Variants in PIK3C2G observed in about 807,000 individuals in gnomAD.
PIK3C2G encodes phosphatidylinositol-4-phosphate 3-kinase catalytic subunit type 2 gamma.
A neutral mutation model predicts 181.1 loss-of-function variants in PIK3C2G; 168 were observed. The ratio of observed to expected loss-of-function variants is 0.93; its 90% CI spans 0.82 to 1.05. PIK3C2G has a LOEUF of 1.05. Among genes scored for constraint, PIK3C2G ranks in the 50% least tolerant of loss-of-function variants. The pLI, the probability that PIK3C2G is intolerant of heterozygous loss-of-function variation, is 0.00. For missense variants in PIK3C2G, 1,869 were observed against 1,732.8 expected (o/e 1.08, Z -1.40); for synonymous variants, 573 against 592.2 (o/e 0.97, Z 0.47).
intron 30 of PIK3C2G, among the ~76,000 whole-genome samples, chr12:18,607,448 G>A (rs1948088380): frequency 6.6e-6 from 1 of 152,100 alleles, no homozygotes; most frequent in Non-Finnish European, 1.5e-5. Context: ...AAGAAATGGG[G>A]AAAGGATTCC....
In PIK3C2G at chr12:18,594,998, T is replaced by A. The variant is rs369828796; in HGVS notation, c.4087+429T>A. Reference sequence around the variant, plus strand: ...ATGGTTGAGAACTTTTTTTATTTCTTACATCATAGAATATTCAAGATTTGT... The same window carrying A: ...ATGGTTGAGAACTTTTTTTATTTCTAACATCATAGAATATTCAAGATTTGT... On this transcript the variant is annotated intron_variant, in intron 30 of 32. Transcript: ENST00000538779. 2.0e-4 allele frequency among the ~76,000 whole-genome samples: 31 copies of A among 152,190 alleles called. No individual in the cohort carries two copies. The East Asian group carries it at 2.3e-3, about 11-fold the overall frequency.
intron 5 of PIK3C2G, 133 bp from the exon 6 acceptor site, chr12:18,313,829 C>CACAT: frequency 3.5e-6 from 2 of 564,228 alleles, no homozygotes; most frequent in Non-Finnish European, 6.3e-6. Context: ...CACACACACA[C>CACAT]GCACACACAC....
chr12:18,410,190 G>C (rs773476007), intron 16 of PIK3C2G, among the ~76,000 whole-genome samples: 1 of 152,092 alleles, frequency 6.6e-6, no homozygotes, highest in Non-Finnish European at 1.5e-5. Context: ...TAGCTGACTA[G>C]CAAATTTTAG....
At chr12:18,489,085 T>C (rs1940324734) in intron 19 of PIK3C2G, among the ~76,000 whole-genome samples, 1 of 152,104 alleles carries the variant, frequency 6.6e-6, no homozygotes, top group Non-Finnish European at 1.5e-5. Flanking sequence ...TATACTAAGA[T>C]CTATGGATAC....
In PIK3C2G at chr12:18,374,564, G is replaced by C. The variant is rs144533589; in HGVS notation, c.1880+3253G>C. On this transcript the variant is annotated intron_variant, in intron 13 of 32. Transcript: ENST00000538779. ...AGAACAAGAACTAGAATGCAGGTCT[G>C]AGCTTTAACTACCTTACGCCACCTC... Among the ~76,000 whole-genome samples, 6 of 152,312 alleles carry C rather than the reference G, an allele frequency of 3.9e-5. No individual in the cohort carries two copies. In the East Asian group the frequency reaches 1.2e-3, roughly 29 times the overall value.
chr12:18,381,735 T>C, intron 13 of PIK3C2G, 31 bp from the exon 14 acceptor site: 1 of 1,261,694 alleles, frequency 7.9e-7, no homozygotes, highest in South Asian at 1.2e-5. Context: ...AAGTGACTCC[T>C]GTCTGTGTGT....
intron 24 of PIK3C2G, among the ~76,000 whole-genome samples, chr12:18,511,047 C>G (rs1437078394): frequency 6.6e-6 from 1 of 151,560 alleles, no homozygotes; most frequent in Non-Finnish European, 1.5e-5. Context: ...ACAAATTAAA[C>G]TTTATTAGAT....
intron 30 of PIK3C2G, among the ~76,000 whole-genome samples, chr12:18,605,854 A>T (rs1407239972): frequency 6.6e-6 from 1 of 152,090 alleles, no homozygotes; most frequent in African/African-American, 2.4e-5. Flanking sequence ...CCAGGCGCTT[A>T]TAAACACAGG....
At chr12:18,713,068 A>G in the PIK3C2G span, 57 of 1,537,804 alleles carry the variant, frequency 3.7e-5, 1 homozygote, top group South Asian at 6.2e-4. Flanking sequence ...TCCAAAGACC[A>G]TTTGATTTTA....
chr12:18,278,155 T>C (rs1007952553), intron 1 of PIK3C2G, among the ~76,000 whole-genome samples: 7 of 152,206 alleles, frequency 4.6e-5, no homozygotes, highest in African/African-American at 1.7e-4. Context: ...CTTAAAGCAA[T>C]ACATTTATTA....
chr12:18,497,658 C>G lies in PIK3C2G; in HGVS notation c.2926C>G (p.Leu976Val). 1 of 1,612,496 alleles carries G rather than the reference C, an allele frequency of 6.2e-7. No individual in the cohort carries two copies. Among genetic ancestry groups the G allele is most frequent in the Non-Finnish European group, 8.5e-7 (1 of 1,178,728 alleles). ...DLRQDMLVLQ[L>V]IQVMDNIWLQ... ...TCGTCAGGATATGCTTGTTCTGCAG[C>G]TTATTCAAGTGATGGACAATATTTG... Residue 976 changes from leucine to valine, a missense_variant, in exon 22 of 33, where the codon CTT becomes GTT. Transcript: ENST00000538779.
intron 11 of PIK3C2G, among the ~76,000 whole-genome samples, chr12:18,348,230 T>C (rs1939867078): frequency 1.3e-5 from 2 of 151,946 alleles, no homozygotes; most frequent in South Asian, 4.1e-4. Context: ...TATACATATG[T>C]GTGTAAATGC....
intron 1 of PIK3C2G, among the ~76,000 whole-genome samples, chr12:18,256,386 G>T (rs1193898305): frequency 6.6e-6 from 1 of 151,998 alleles, no homozygotes; most frequent in African/African-American, 2.4e-5. Flanking sequence ...TTTATTTACT[G>T]GTTTCTTTGC....
At chr12:18,527,999 G>T (rs983140878) in intron 24 of PIK3C2G, among the ~76,000 whole-genome samples, 1 of 152,036 alleles carries the variant, frequency 6.6e-6, no homozygotes, top group East Asian at 1.9e-4. Flanking sequence ...ACTAACTAAG[G>T]CTGTCCTTAG....
At chr12:18,467,811 A>T (rs1938055904) in intron 18 of PIK3C2G, among the ~76,000 whole-genome samples, 1 of 151,960 alleles carries the variant, frequency 6.6e-6, no homozygotes, top group Admixed American at 6.6e-5. Context: ...CACATCTTAT[A>T]GAAAGAGAAA....
At chr12:18,406,854 G>C (rs952084408) in intron 16 of PIK3C2G, among the ~76,000 whole-genome samples, 1 of 152,150 alleles carries the variant, frequency 6.6e-6, no homozygotes, top group Non-Finnish European at 1.5e-5. Flanking sequence ...TCGAGGAAGA[G>C]TGAAGGTGAG....
chr12:18,525,755 A>G (rs1943191415), intron 24 of PIK3C2G, among the ~76,000 whole-genome samples: 2 of 152,232 alleles, frequency 1.3e-5, no homozygotes, highest in African/African-American at 4.8e-5. Flanking sequence ...GCCAGCTATT[A>G]AATATTCATC....
At chr12:18,725,087 G>A in the PIK3C2G span, among the ~76,000 whole-genome samples, 1 of 152,062 alleles carries the variant, frequency 6.6e-6, no homozygotes, top group South Asian at 2.1e-4. Context: ...CACTATAGTT[G>A]ATCAAAATCA....
chr12:18,289,086 T>C (rs943377971), intron 3 of PIK3C2G, among the ~76,000 whole-genome samples: 3 of 152,220 alleles, frequency 2.0e-5, no homozygotes, highest in Admixed American at 6.5e-5. Context: ...ATTAAATGTA[T>C]ACATGCATAA....
Sources: allele counts gnomAD v4.1 joint callset (sites outside exome capture counted in the v4.1 genomes callset), GRCh38; gene constraint gnomAD v4.1.1; transcripts MANE v1.5; gene names NCBI Gene and HGNC (gene_info 2026-07-23, HGNC 2026-07-21).